Variants in CAMK1D observed in about 807,000 individuals in gnomAD.
CAMK1D encodes calcium/calmodulin dependent protein kinase ID.
In CAMK1D, 9 loss-of-function variants were observed where a neutral mutation model predicts 47.7. That is an observed-to-expected ratio of 0.19 (90% confidence interval 0.11 to 0.33). The LOEUF is 0.33. Ranked by LOEUF, CAMK1D falls within the 10% of genes least tolerant of loss-of-function variation. CAMK1D has a pLI of 1.00. For synonymous variants in CAMK1D, 184 were observed against 184.9 expected, an observed-to-expected ratio of 0.99 and a Z score of 0.04; for missense variants, 291 against 488.7, an observed-to-expected ratio of 0.60 and a Z score of 3.81.
intron 2 of CAMK1D, among the ~76,000 whole-genome samples, chr10:12,645,807 A>T (rs1422837724): frequency 6.6e-6 from 1 of 152,214 alleles, no homozygotes; most frequent in Non-Finnish European, 1.5e-5. Context: ...GAGTATTTAA[A>T]AAATAGCTTA....
chr10:12,646,341 G>A (rs768665972), intron 2 of CAMK1D, among the ~76,000 whole-genome samples: 2 of 152,090 alleles, frequency 1.3e-5, no homozygotes, highest in Non-Finnish European at 2.9e-5. Flanking sequence ...TACAAATCTT[G>A]TTATATAGCT....
intron 1 of CAMK1D, among the ~76,000 whole-genome samples, chr10:12,369,849 G>C (rs547588329): frequency 6.6e-6 from 1 of 151,358 alleles, no homozygotes; most frequent in African/African-American, 2.4e-5. Flanking sequence ...CCAGCTACTC[G>C]GGAGGCTGAG....
chr10:12,526,449 T>C (rs939769401), intron 1 of CAMK1D, among the ~76,000 whole-genome samples: 7 of 152,210 alleles, frequency 4.6e-5, no homozygotes, highest in South Asian at 2.1e-4. Flanking sequence ...AACTCTCTTC[T>C]CTCTGGGATT....
chr10:12,430,938 C>T (rs1001669251), intron 1 of CAMK1D, among the ~76,000 whole-genome samples: 8 of 152,088 alleles, frequency 5.3e-5, no homozygotes, highest in Non-Finnish European at 7.4e-5. Context: ...TTAGTAGAGA[C>T]GGGATTTCGC....
At chr10:12,810,151 T>TAAAA (rs749675063) in intron 6 of CAMK1D, among the ~76,000 whole-genome samples, 12 of 81,414 alleles carry the variant, frequency 1.5e-4, no homozygotes, top group Admixed American at 3.0e-4. Flanking sequence ...CCTGTCTCAT[T>TAAAA]AAAAAAAAAA....
At chr10:12,398,038 A>T (rs894906450) in intron 1 of CAMK1D, among the ~76,000 whole-genome samples, 3 of 152,206 alleles carry the variant, frequency 2.0e-5, no homozygotes, top group Non-Finnish European at 4.4e-5. Context: ...TGAGAGAGGC[A>T]AAGGATGTTA....
At chr10:12,653,236 C>T (rs1238404133) in intron 2 of CAMK1D, 5 of 154,180 alleles carry the variant, frequency 3.2e-5, no homozygotes. Flanking sequence ...TTAATCTATT[C>T]ATAAGGGCAG....
intron 1 of CAMK1D, among the ~76,000 whole-genome samples, chr10:12,435,016 G>A (rs762533567): frequency 6.6e-6 from 1 of 151,964 alleles, no homozygotes; most frequent in Non-Finnish European, 1.5e-5. Context: ...TCAGGAGTTC[G>A]AGACCATCCT....
At chr10:12,584,324 G>C (rs1043392229) in intron 2 of CAMK1D, among the ~76,000 whole-genome samples, 1 of 152,216 alleles carries the variant, frequency 6.6e-6, no homozygotes, top group Non-Finnish European at 1.5e-5. Context: ...CATCGTCTAA[G>C]ACGTAGGCCA....
chr10:12,792,152 A>G (rs1189399387), intron 6 of CAMK1D, among the ~76,000 whole-genome samples: 1 of 152,156 alleles, frequency 6.6e-6, no homozygotes, highest in African/African-American at 2.4e-5. Flanking sequence ...AAGAAATCAT[A>G]ATGAGAAAAA....
At chr10:12,732,954 A>G (rs1834963291) in intron 3 of CAMK1D, among the ~76,000 whole-genome samples, 1 of 152,186 alleles carries the variant, frequency 6.6e-6, no homozygotes, top group African/African-American at 2.4e-5. Flanking sequence ...TGGAGACAAT[A>G]GCACATGCCT....
chr10:12,731,298 T>C (rs1246236559), intron 3 of CAMK1D, among the ~76,000 whole-genome samples: 9 of 152,206 alleles, frequency 5.9e-5, no homozygotes, highest in African/African-American at 2.2e-4. Flanking sequence ...CAGATGCTTC[T>C]GGTGGTGAAA....
At chr10:12,398,254 G>A (rs988710429) in intron 1 of CAMK1D, among the ~76,000 whole-genome samples, 1 of 151,706 alleles carries the variant, frequency 6.6e-6, no homozygotes, top group African/African-American at 2.4e-5. Context: ...TTTTATCCTA[G>A]GATATTATAT....
At chr10:12,734,056 C>A (rs977547048) in intron 3 of CAMK1D, among the ~76,000 whole-genome samples, 1 of 151,758 alleles carries the variant, frequency 6.6e-6, no homozygotes, top group Non-Finnish European at 1.5e-5. Context: ...GGCCGGGTGC[C>A]GTGGCTCCTG....
chr10:12,814,082 C>T, intron 6 of CAMK1D, 113 bp from the exon 7 acceptor site: 1 of 709,642 alleles, frequency 1.4e-6, no homozygotes, highest in Admixed American at 2.2e-5. Context: ...AGCCACTGTG[C>T]CTTGCCAGAT....
intron 1 of CAMK1D, among the ~76,000 whole-genome samples, chr10:12,428,184 C>G (rs1283944935): frequency 6.6e-6 from 1 of 152,028 alleles, no homozygotes; most frequent in African/African-American, 2.4e-5. Flanking sequence ...CCCGCCATCC[C>G]CTGACAGGCC....
At chr10:12,813,830 G>A (rs138609562) in intron 6 of CAMK1D, among the ~76,000 whole-genome samples, 2 of 151,826 alleles carry the variant, frequency 1.3e-5, no homozygotes, top group Non-Finnish European at 2.9e-5. Context: ...ATGCGATCTT[G>A]GCTCACTGGA....
intron 1 of CAMK1D, among the ~76,000 whole-genome samples, chr10:12,514,140 G>A (rs1028397209): frequency 5.9e-5 from 9 of 152,188 alleles, no homozygotes; most frequent in African/African-American, 1.2e-4. Context: ...GGAGTGCGGC[G>A]TGGCAGTGGT....
At chr10:12,559,229 C>T (rs1047114312) in intron 2 of CAMK1D, among the ~76,000 whole-genome samples, 4 of 151,980 alleles carry the variant, frequency 2.6e-5, no homozygotes, top group African/African-American at 7.2e-5. Flanking sequence ...TTGCTTGAGC[C>T]GAGGAGTTTG....
Sources: allele counts gnomAD v4.1 joint callset (sites outside exome capture counted in the v4.1 genomes callset), GRCh38; gene constraint gnomAD v4.1.1; transcripts MANE v1.5; gene names NCBI Gene and HGNC (gene_info 2026-07-23, HGNC 2026-07-21).